The following CAMKMT variants were observed in gnomAD, a reference collection of about 807,000 sequenced individuals.
The protein encoded by CAMKMT is CaM KMT.
CAMKMT carries 53 observed loss-of-function variants against 48.0 expected under a neutral mutation model. The ratio of observed to expected loss-of-function variants is 1.10; its 90% CI spans 0.89 to 1.39. The LOEUF is 1.39. CAMKMT is among the 40% of genes most tolerant of loss of function. The pLI is 0.00. For synonymous variants in CAMKMT, 165 were observed against 152.3 expected, an observed-to-expected ratio of 1.08 and a Z score of -0.61; for missense variants, 428 against 402.7, an observed-to-expected ratio of 1.06 and a Z score of -0.54.
intron 3 of CAMKMT, among the ~76,000 whole-genome samples, chr2:44,691,876 C>T (rs1676675064): frequency 6.6e-6 from 1 of 152,048 alleles, no homozygotes; most frequent in African/African-American, 2.4e-5. Flanking sequence ...CCTCCACCTG[C>T]CCACCTGCCC....
intron 3 of CAMKMT, among the ~76,000 whole-genome samples, chr2:44,422,444 G>T (rs1416284509): frequency 6.6e-6 from 1 of 152,054 alleles, no homozygotes; most frequent in Non-Finnish European, 1.5e-5. Flanking sequence ...GCTAGAAAAT[G>T]GGGCTTGGGA....
In CAMKMT at chr2:44,766,477, G is replaced by C; in HGVS notation, c.810G>C (p.Gln270His). ...FAPRRGNTLN[Q>H]FCNLAEKAGF... ...CACGCCGAGGGAATACTTTAAACCA[G>C]TTTTGCAATCTAGCTGAAAAAGCTG... The change falls in exon 10 of 11, where the codon CAG (glutamine) becomes CAC (histidine). Residue 270 changes from glutamine to histidine, a missense_variant. Gln to His is a conservative substitution (Grantham distance 24). Coordinates refer to ENST00000378494, the MANE Select transcript of CAMKMT (RefSeq NM_024766.5). The C allele has an allele frequency of 6.2e-7, 1 of 1,614,156 alleles. No homozygotes were observed. Among genetic ancestry groups the C allele is most frequent in the Non-Finnish European group, 8.5e-7 (1 of 1,180,020 alleles).
chr2:44,712,516 C>G (rs1246575478), intron 6 of CAMKMT, among the ~76,000 whole-genome samples: 1 of 151,994 alleles, frequency 6.6e-6, no homozygotes, highest in Non-Finnish European at 1.5e-5. Context: ...AAATGGAGCC[C>G]TACCTCTGAA....
intron 3 of CAMKMT, among the ~76,000 whole-genome samples, chr2:44,552,797 G>A (rs1256414714): frequency 6.6e-6 from 1 of 152,178 alleles, no homozygotes; most frequent in African/African-American, 2.4e-5. Flanking sequence ...CATCAAGCTA[G>A]CCTCTTACCA....
Position 44,413,576 on chromosome 2 carries a change from G to A in CAMKMT, c.376+23271G>A, listed in dbSNP as rs567304063. 3.3e-5 allele frequency among the ~76,000 whole-genome samples: 5 copies of A among 151,866 alleles called. No homozygotes were observed. The East Asian group carries it at 9.7e-4, about 29-fold the overall frequency. ...CTGAGGCAGGAGAATCGGTTGAACT[G>A]GGGCGGTAGAGGTCACAGTGAGCCA... On this transcript the variant is annotated intron_variant, in intron 3 of 10. Transcript: ENST00000378494.
chr2:44,453,148 G>T lies in CAMKMT; in HGVS notation c.376+62843G>T, dbSNP rs373074360. Among the ~76,000 whole-genome samples, 149 of 152,080 alleles carry T rather than the reference G, an allele frequency of 9.8e-4. 4 individuals are homozygous for T. The South Asian group carries it at 0.022, about 23-fold the overall frequency. On this transcript the variant is annotated intron_variant, in intron 3 of 10. Transcript: ENST00000378494. ...TATTGTCTAATTTGGTGTGCCTTGTGTTGTAATTCAATCATCTATTATTAA... is the reference window on the plus strand; with the variant it reads ...TATTGTCTAATTTGGTGTGCCTTGTTTTGTAATTCAATCATCTATTATTAA...
At chr2:44,436,991 A>T (rs1453389628) in intron 3 of CAMKMT, among the ~76,000 whole-genome samples, 3 of 152,218 alleles carry the variant, frequency 2.0e-5, no homozygotes, top group African/African-American at 7.2e-5. Context: ...GTGGATTTTG[A>T]CAGTTACAGA....
chr2:44,686,449 A>G (rs764838251), intron 3 of CAMKMT, among the ~76,000 whole-genome samples: 4 of 152,092 alleles, frequency 2.6e-5, no homozygotes, highest in Non-Finnish European at 4.4e-5. Flanking sequence ...ACCCTCGTTT[A>G]GTTCATAGTA....
chr2:44,741,173 AT>A (rs1229351784), intron 7 of CAMKMT, among the ~76,000 whole-genome samples: 1 of 152,176 alleles, frequency 6.6e-6, no homozygotes, highest in Non-Finnish European at 1.5e-5. Context: ...TTGTGACTAT[AT>A]TTTACAAAAG....
rs146850868 is a variant in CAMKMT, at chr2:44,487,255, C to CT, written c.376+96960dup. 4.3e-3 allele frequency among the ~76,000 whole-genome samples: 634 copies of CT among 148,714 alleles called. 1 individual carries two copies. Among genetic ancestry groups the CT allele is most frequent in the African/African-American group, 9.4e-3 (383 of 40,714 alleles). ...TTACTTTATAAAAATGTGAAATCAG[C>CT]TTTTTTTTTTCTGATAACATAGAGC... On this transcript the variant is annotated intron_variant, in intron 3 of 10. Coordinates refer to ENST00000378494, the MANE Select transcript of CAMKMT (RefSeq NM_024766.5).
chr2:44,576,162 A>G (rs556186136), intron 3 of CAMKMT, among the ~76,000 whole-genome samples: 1 of 152,116 alleles, frequency 6.6e-6, no homozygotes, highest in South Asian at 2.1e-4. Context: ...CCCCATTTCT[A>G]TTAAAAATAC....
rs181735432 is a variant in CAMKMT at position 44,500,960 on chromosome 2, G to A, written c.376+110655G>A. 9.2e-5 allele frequency among the ~76,000 whole-genome samples: 14 copies of A among 151,780 alleles called. 1 individual carries two copies. Among genetic ancestry groups the A allele is most frequent in the Non-Finnish European group, 2.9e-5 (2 of 67,928 alleles). On this transcript the variant is annotated intron_variant, in intron 3 of 10. Transcript: ENST00000378494. ...GCCTCCCAAATTGCTGTGATTACAG[G>A]CATGAGTCATCATGCCCAGCCTCAG...
intron 3 of CAMKMT, among the ~76,000 whole-genome samples, chr2:44,560,356 A>G (rs970665568): frequency 9.9e-5 from 15 of 152,168 alleles, no homozygotes; most frequent in Middle Eastern, 3.2e-3. Context: ...ATCATAGCTC[A>G]CTCCTGGGCT....
chr2:44,517,238 G>C (rs1401594203), intron 3 of CAMKMT, among the ~76,000 whole-genome samples: 2 of 151,704 alleles, frequency 1.3e-5, no homozygotes, highest in Non-Finnish European at 2.9e-5. Context: ...ATTTTTTTTT[G>C]AATGAAGACA....
chr2:44,375,375 T>C (rs1167056718), intron 2 of CAMKMT, among the ~76,000 whole-genome samples: 1 of 151,346 alleles, frequency 6.6e-6, no homozygotes, highest in East Asian at 1.9e-4. Context: ...TCTATATATA[T>C]ATAAAAAAAC....
At chr2:44,741,159 A>AT (rs760578953) in intron 7 of CAMKMT, among the ~76,000 whole-genome samples, 6 of 152,224 alleles carry the variant, frequency 3.9e-5, no homozygotes, top group Non-Finnish European at 5.9e-5. Flanking sequence ...TTTTAATCTC[A>AT]TTTTTGTGAC....
At chr2:44,537,184 G>C (rs553606112) in intron 3 of CAMKMT, among the ~76,000 whole-genome samples, 1 of 152,092 alleles carries the variant, frequency 6.6e-6, no homozygotes, top group Non-Finnish European at 1.5e-5. Context: ...AAACTAAAAA[G>C]CCTCTGCACA....
At chr2:44,554,908 C>T (rs926882243) in intron 3 of CAMKMT, among the ~76,000 whole-genome samples, 6 of 151,980 alleles carry the variant, frequency 3.9e-5, no homozygotes, top group Admixed American at 3.9e-4. Context: ...ATAAATACTG[C>T]ATTAGGATCT....
intron 8 of CAMKMT, among the ~76,000 whole-genome samples, chr2:44,748,755 T>G (rs1680025395): frequency 6.6e-6 from 1 of 152,038 alleles, no homozygotes; most frequent in Admixed American, 6.5e-5. Flanking sequence ...TGGGCACCTG[T>G]AGTCCCAGCT....
Sources: gnomAD v4.1 joint callset for allele counts (sites outside exome capture counted in the v4.1 genomes callset) on GRCh38, gnomAD v4.1.1 for gene constraint, MANE v1.5 for transcripts, NCBI Gene and HGNC (gene_info 2026-07-23, HGNC 2026-07-21) for gene names.